Variants in ERBIN observed in about 807,000 individuals in gnomAD.
ERBIN encodes densin-180-like protein.
Under a neutral mutation model 158.4 loss-of-function variants are expected in ERBIN, and 60 were observed. That is an observed-to-expected ratio of 0.38 (90% CI 0.31 to 0.47). The LOEUF (loss-of-function observed/expected upper bound fraction) is 0.47, where lower values mean the gene tolerates loss of function less well. Among genes scored for constraint, ERBIN ranks in the 20% least tolerant of loss-of-function variants. The pLI, the probability that ERBIN is intolerant of heterozygous loss-of-function variation, is 0.99. For missense variants in ERBIN, 1,610 were observed against 1,648.0 expected (o/e 0.98, Z 0.40); for synonymous variants, 594 against 557.2 (o/e 1.07, Z -0.93).
chr5:66,029,645 G>T (rs575637462), intron 14 of ERBIN, among the ~76,000 whole-genome samples: 2 of 151,976 alleles, frequency 1.3e-5, no homozygotes, highest in Non-Finnish European at 2.9e-5. Flanking sequence ...TCGCTCTGCC[G>T]CCAGGCTGGA....
Position 66,048,745 on chromosome 5 carries a change from C to G in ERBIN, c.1867C>G (p.Gln623Glu). The G allele has an allele frequency of 1.2e-6, 2 of 1,606,706 alleles. No individual in the cohort carries two copies. Among genetic ancestry groups the G allele is most frequent in the African/African-American group, 1.3e-5 (1 of 74,744 alleles). The change falls in exon 19 of 26, where the codon CAG (glutamine) becomes GAG (glutamate). Residue 623 changes from glutamine (Q) to glutamate (E), a missense_variant. Gln to Glu is a conservative substitution (Grantham distance 29, BLOSUM62 2). Transcript: ENST00000284037. ...RPPLIETSIN[Q>E]PKVVALSNNK... ...ACCATTAATTGAAACCTCTATTAACCAGCCAAAAGTCGTAGCACTTAGTAA... is the reference window on the plus strand; with the variant it reads ...ACCATTAATTGAAACCTCTATTAACGAGCCAAAAGTCGTAGCACTTAGTAA...
intron 1 of ERBIN, among the ~76,000 whole-genome samples, chr5:65,953,342 G>C (rs919444528): frequency 2.0e-5 from 3 of 152,162 alleles, no homozygotes; most frequent in Non-Finnish European, 4.4e-5. Flanking sequence ...TTTAGGTTCT[G>C]CATACCCATA....
chr5:66,029,564 TCTGTTCTGTC>T (rs1327528315), intron 14 of ERBIN, among the ~76,000 whole-genome samples: 9 of 151,544 alleles, frequency 5.9e-5, no homozygotes, highest in African/African-American at 2.2e-4. Context: ...TCTGTTCTGT[TCTGTTCTGTC>T]CTGTCCTGTC....
intron 21 of ERBIN, among the ~76,000 whole-genome samples, chr5:66,065,868 A>G (rs1760938211): frequency 6.6e-6 from 1 of 152,108 alleles, no homozygotes; most frequent in South Asian, 2.1e-4. Flanking sequence ...CAGATATAGT[A>G]CTTTAGGTTA....
In ERBIN at chr5:66,007,371, A is replaced by C. The variant is rs542137260; in HGVS notation, c.308-4678A>C. Among the ~76,000 whole-genome samples the C allele has an allele frequency of 2.0e-5, 3 of 151,566 alleles. No homozygotes were observed. In the South Asian group the frequency reaches 6.3e-4, roughly 32 times the overall value. On this transcript the variant is annotated intron_variant, in intron 4 of 25. Coordinates refer to ENST00000284037, the MANE Select transcript of ERBIN (RefSeq NM_001253697.2). ...ACTTGGGCACAGGGAGGGGAACATC[A>C]CACACCAGGGCCTGTCGTGGGGTTG...
At chr5:65,942,852 G>T (rs1254656190) in intron 1 of ERBIN, among the ~76,000 whole-genome samples, 4 of 151,524 alleles carry the variant, frequency 2.6e-5, no homozygotes, top group African/African-American at 9.7e-5. Flanking sequence ...AGGCTGTGGC[G>T]AGCTGAGGTC....
At chr5:65,932,354 A>G (rs921760315) in intron 1 of ERBIN, among the ~76,000 whole-genome samples, 1 of 152,008 alleles carries the variant, frequency 6.6e-6, no homozygotes, top group Non-Finnish European at 1.5e-5. Context: ...AAAAAAAAAA[A>G]AAGACATAAA....
chr5:66,041,092 T>C (rs1473013175), intron 15 of ERBIN, among the ~76,000 whole-genome samples: 3 of 151,910 alleles, frequency 2.0e-5, no homozygotes, highest in Non-Finnish European at 2.9e-5. Flanking sequence ...GAAGTTGGGG[T>C]AAGGGCATTT....
Position 66,079,289 on chromosome 5 carries a change from T to G in ERBIN, c.*759T>G, listed in dbSNP as rs1762267634. The G allele has an allele frequency of 6.6e-6, 1 of 152,446 alleles. No homozygotes were observed. Among genetic ancestry groups the G allele is most frequent in the African/African-American group, 2.4e-5 (1 of 41,434 alleles). 9.4% of individuals were successfully genotyped at this position (152,446 alleles called of 1,614,324 possible). ...TATACATTTGCTACTGGTGATTCAG[T>G]TTTTAATTTTTTAGTCACAGGAAAT... On this transcript the variant is annotated 3_prime_UTR_variant, in exon 26 of 26. Transcript: ENST00000284037.
chr5:65,949,746 T>C (rs1746272599), intron 1 of ERBIN, among the ~76,000 whole-genome samples: 1 of 152,238 alleles, frequency 6.6e-6, no homozygotes, highest in African/African-American at 2.4e-5. Flanking sequence ...AGAGTTTAAT[T>C]GAATTTCATC....
intron 23 of ERBIN, 106 bp downstream of exon 23, chr5:66,075,336 A>C (rs567103204): frequency 3.2e-6 from 3 of 931,856 alleles, no homozygotes; most frequent in Admixed American, 5.2e-5. Flanking sequence ...CGTAGTTATT[A>C]CCATTTAAAG....
At chr5:65,966,081 T>C (rs750831121) in intron 1 of ERBIN, among the ~76,000 whole-genome samples, 2 of 150,178 alleles carry the variant, frequency 1.3e-5, no homozygotes, top group African/African-American at 2.4e-5. Context: ...TATACAGTCA[T>C]GTGCCACATA....
At chr5:66,046,710 A>T (rs1758486148) in intron 18 of ERBIN, among the ~76,000 whole-genome samples, 172 bp downstream of exon 18, 1 of 152,200 alleles carries the variant, frequency 6.6e-6, no homozygotes, top group Non-Finnish European at 1.5e-5. Flanking sequence ...CTTACAAATT[A>T]TTATGCCCTT....
chr5:66,025,133 A>G (rs73107541), intron 10 of ERBIN, among the ~76,000 whole-genome samples: 4,845 of 152,162 alleles, frequency 0.032, 129 homozygotes, highest in African/African-American at 0.072. Context: ...TCTTTAGTCT[A>G]TTAATTTAAC....
At chr5:65,964,247 A>G (rs1748274269) in intron 1 of ERBIN, among the ~76,000 whole-genome samples, 1 of 152,238 alleles carries the variant, frequency 6.6e-6, no homozygotes, top group African/African-American at 2.4e-5. Context: ...ATTTGCTTCA[A>G]AGCAGCTACT....
chr5:66,040,332 T>A (rs1323499060), intron 15 of ERBIN, among the ~76,000 whole-genome samples: 1 of 151,948 alleles, frequency 6.6e-6, no homozygotes. Context: ...CTACCTTGCC[T>A]TCTTTTTCTA....
At chr5:65,927,157 G>A (rs1285472421) in intron 1 of ERBIN, among the ~76,000 whole-genome samples, 1 of 152,292 alleles carries the variant, frequency 6.6e-6, no homozygotes, top group East Asian at 1.9e-4. Flanking sequence ...AAGTTGCTCA[G>A]CCAGGCACCT....
chr5:65,966,954 T>C (rs1748708888), intron 1 of ERBIN, among the ~76,000 whole-genome samples: 1 of 151,874 alleles, frequency 6.6e-6, no homozygotes, highest in African/African-American at 2.4e-5. Flanking sequence ...TTCTTTTAAA[T>C]AGGAAGAAAA....
At chr5:65,977,151 T>A (rs1301743053) in intron 1 of ERBIN, among the ~76,000 whole-genome samples, 2 of 58,084 alleles carry the variant, frequency 3.4e-5, no homozygotes, top group Non-Finnish European at 7.0e-5. Flanking sequence ...GGGGGCTGAC[T>A]CCCCCACCTC....
Sources: gnomAD v4.1 joint callset for allele counts (sites outside exome capture counted in the v4.1 genomes callset) on GRCh38, gnomAD v4.1.1 for gene constraint, MANE v1.5 for transcripts, NCBI Gene and HGNC (gene_info 2026-07-23, HGNC 2026-07-21) for gene names.